Variants in CLVS1 observed in about 807,000 individuals in gnomAD.
The protein encoded by CLVS1 is clavesin-1.
A neutral mutation model predicts 33.1 loss-of-function variants in CLVS1; 10 were observed. The ratio of observed to expected loss-of-function variants is 0.30; its 90% CI spans 0.19 to 0.51. The LOEUF (loss-of-function observed/expected upper bound fraction) is 0.51. Among genes scored for constraint, CLVS1 ranks in the 20% least tolerant of loss-of-function variants. CLVS1 has a pLI of 0.97. For synonymous variants in CLVS1, 163 were observed against 166.1 expected (o/e 0.98, Z 0.14); for missense variants, 343 against 433.4 (o/e 0.79, Z 1.85).
chr8:61,455,690 G>A (rs1250091710), intron 4 of CLVS1, among the ~76,000 whole-genome samples: 1 of 152,162 alleles, frequency 6.6e-6, no homozygotes, highest in African/African-American at 2.4e-5. Context: ...TCCTGGGTCA[G>A]GAACACCACT....
chr8:61,221,435 G>A (rs993951642), intron 2 of CLVS1, among the ~76,000 whole-genome samples: 2 of 152,160 alleles, frequency 1.3e-5, no homozygotes, highest in Non-Finnish European at 2.9e-5. Context: ...TGCATCTATT[G>A]AGATAATCAT....
chr8:61,367,884 C>A (rs1384739441), intron 2 of CLVS1, among the ~76,000 whole-genome samples: 1 of 152,166 alleles, frequency 6.6e-6, no homozygotes, highest in Non-Finnish European at 1.5e-5. Context: ...TTTGTGTCTT[C>A]CACAACGTAC....
intron 2 of CLVS1, among the ~76,000 whole-genome samples, chr8:61,221,678 T>A (rs1386055753): frequency 6.6e-6 from 1 of 152,202 alleles, no homozygotes; most frequent in African/African-American, 2.4e-5. Context: ...AGTTTTGGTA[T>A]CAGGATGATG....
Position 61,451,580 on chromosome 8 carries a change from A to G in CLVS1, c.631-2561A>G, listed in dbSNP as rs541980857. The stretch of plus-strand genomic sequence containing the variant: ...TTACACTGTCATTGAACCAAGGCCT[A>G]TGATCTTGAGATACATCTGCTCTAG... On this transcript the variant is annotated intron_variant, in intron 3 of 5. Transcript: ENST00000325897. 2.6e-5 allele frequency among the ~76,000 whole-genome samples: 4 copies of G among 152,276 alleles called. No homozygotes were observed. In the South Asian group the frequency reaches 6.2e-4, roughly 24 times the overall value.
intron 2 of CLVS1, chr8:61,202,254 C>A: frequency 1.8e-6 from 1 of 545,328 alleles, no homozygotes. Context: ...TTAAGAATGT[C>A]CCCTGGTGTG....
At chr8:61,135,036 C>G (rs571214763) in intron 2 of CLVS1, among the ~76,000 whole-genome samples, 1 of 151,858 alleles carries the variant, frequency 6.6e-6, no homozygotes, top group African/African-American at 2.4e-5. Context: ...AGGAAAAATC[C>G]ATGGCACACA....
At chr8:61,098,040 G>A (rs1435735167) in intron 1 of CLVS1, among the ~76,000 whole-genome samples, 1 of 152,148 alleles carries the variant, frequency 6.6e-6, no homozygotes, top group Non-Finnish European at 1.5e-5. Context: ...ACACCTGTAA[G>A]TCCTAGCTAT....
the CLVS1 span, among the ~76,000 whole-genome samples, chr8:61,009,920 C>T: frequency 6.6e-6 from 1 of 152,190 alleles, no homozygotes; most frequent in Non-Finnish European, 1.5e-5. Context: ...ATGTACCATA[C>T]AACACAGCAA....
At chr8:61,158,248 A>G (rs1010810406) in intron 2 of CLVS1, among the ~76,000 whole-genome samples, 7 of 152,180 alleles carry the variant, frequency 4.6e-5, no homozygotes, top group African/African-American at 1.7e-4. Context: ...TTCTACTCAT[A>G]TAAGATTCGA....
intron 2 of CLVS1, among the ~76,000 whole-genome samples, chr8:61,303,673 A>G (rs1440747202): frequency 6.6e-6 from 1 of 152,194 alleles, no homozygotes; most frequent in Non-Finnish European, 1.5e-5. Context: ...GTTTGAATTT[A>G]GATATTGTCA....
At chr8:61,359,013 T>C (rs981825368) in intron 2 of CLVS1, among the ~76,000 whole-genome samples, 11 of 152,246 alleles carry the variant, frequency 7.2e-5, no homozygotes, top group Non-Finnish European at 1.6e-4. Context: ...TATTCTTTCT[T>C]ATAGTCATAT....
At chr8:61,303,521 T>C (rs1164142369) in intron 2 of CLVS1, among the ~76,000 whole-genome samples, 2 of 152,206 alleles carry the variant, frequency 1.3e-5, no homozygotes, top group African/African-American at 4.8e-5. Context: ...CTTTTCAAAG[T>C]AATCTCTTTT....
chr8:61,410,964 A>G (rs967663466), intron 3 of CLVS1, among the ~76,000 whole-genome samples: 17 of 152,212 alleles, frequency 1.1e-4, no homozygotes, highest in African/African-American at 4.1e-4. Context: ...TAAAACTGAC[A>G]TTTGTGGGCA....
intron 5 of CLVS1, among the ~76,000 whole-genome samples, chr8:61,480,615 A>G (rs2087902): frequency 0.57 from 86,054 of 151,870 alleles, 27,950 homozygotes; most frequent in Non-Finnish European, 0.72. Context: ...GGCACTCCCC[A>G]GTGAGATGAA....
intron 1 of CLVS1, among the ~76,000 whole-genome samples, chr8:61,290,405 T>C (rs1203856997): frequency 6.6e-6 from 1 of 152,236 alleles, no homozygotes; most frequent in Non-Finnish European, 1.5e-5. Flanking sequence ...TACTCATTTT[T>C]ATAATGGATT....
chr8:61,068,262 T>C (rs564935991), intron 1 of CLVS1, among the ~76,000 whole-genome samples: 1 of 147,918 alleles, frequency 6.8e-6, no homozygotes, highest in Non-Finnish European at 1.5e-5. Context: ...TATATATACA[T>C]ACATACACAT....
chr8:61,309,352 C>T (rs1031400209), intron 2 of CLVS1, among the ~76,000 whole-genome samples: 4 of 152,232 alleles, frequency 2.6e-5, no homozygotes, highest in Non-Finnish European at 5.9e-5. Context: ...TTACAGTCAT[C>T]TGTCCTTGTG....
chr8:61,139,666 CG>C (rs1431634451), intron 2 of CLVS1, among the ~76,000 whole-genome samples: 1 of 151,200 alleles, frequency 6.6e-6, no homozygotes, highest in African/African-American at 2.4e-5. Flanking sequence ...GGGGGAGGCA[CG>C]GGGAGGGCGC....
chr8:61,436,997 G>A (rs1255089118), intron 3 of CLVS1, among the ~76,000 whole-genome samples: 2 of 152,166 alleles, frequency 1.3e-5, no homozygotes, highest in Non-Finnish European at 2.9e-5. Context: ...TGTAGGGGTA[G>A]TAAATGATTT....
Sources: allele counts gnomAD v4.1 joint callset (sites outside exome capture counted in the v4.1 genomes callset), GRCh38; gene constraint gnomAD v4.1.1; transcripts MANE v1.5; gene names NCBI Gene and HGNC (gene_info 2026-07-23, HGNC 2026-07-21).